QRICH1: variants seen among roughly 807,000 people sequenced by gnomAD.
QRICH1 encodes glutamine rich 1.
Under a neutral mutation model 87.1 loss-of-function variants are expected in QRICH1, and 16 were observed. The ratio of observed to expected loss-of-function variants is 0.18; its 90% CI spans 0.12 to 0.28. QRICH1 has a LOEUF of 0.28. QRICH1 is among the 10% of genes least tolerant of loss of function. QRICH1 has a pLI of 1.00. For missense variants in QRICH1, 647 were observed against 951.7 expected (o/e 0.68, Z 4.21); for synonymous variants, 367 against 368.4 (o/e 1.00, Z 0.05).
intron 3 of QRICH1, among the ~76,000 whole-genome samples, chr3:49,048,029 G>A (rs1371421861): frequency 6.6e-6 from 1 of 152,026 alleles, no homozygotes; most frequent in African/African-American, 2.4e-5. Flanking sequence ...TCAAAGCACT[G>A]CTCCCACAGT....
chr3:49,042,310 A>G (rs1366935289), intron 6 of QRICH1, among the ~76,000 whole-genome samples: 1 of 151,688 alleles, frequency 6.6e-6, no homozygotes, highest in Non-Finnish European at 1.5e-5. Flanking sequence ...CGTGTTAGCC[A>G]GGATGGTCTC....
intron 2 of QRICH1, among the ~76,000 whole-genome samples, chr3:49,069,211 C>T (rs995996039): frequency 6.7e-6 from 1 of 149,378 alleles, no homozygotes; most frequent in East Asian, 2.0e-4. Flanking sequence ...TCAAGCAATT[C>T]TCTGCCTCAG....
At chr3:49,078,728 C>A (rs1431055239) in intron 1 of QRICH1, among the ~76,000 whole-genome samples, 1 of 128,792 alleles carries the variant, frequency 7.8e-6, no homozygotes, top group Non-Finnish European at 1.6e-5. Context: ...GTTGGAGTCT[C>A]CCTCTGTCGC....
intron 2 of QRICH1, among the ~76,000 whole-genome samples, chr3:49,065,139 T>C (rs1214467155): frequency 7.0e-6 from 1 of 143,054 alleles, no homozygotes; most frequent in African/African-American, 2.5e-5. Context: ...TGGAAACCTC[T>C]TTTTTTTTTT....
intron 3 of QRICH1, among the ~76,000 whole-genome samples, chr3:49,053,380 C>T (rs2093382702): frequency 1.4e-5 from 2 of 146,940 alleles, no homozygotes; most frequent in Non-Finnish European, 3.0e-5. Context: ...CCCAGCTACT[C>T]GGGAGGCTGA....
At position 49,073,785 on chromosome 3, in the gene QRICH1, C is replaced by T. The variant is rs533694979; in HGVS notation, c.309+2924G>A. Among the ~76,000 whole-genome samples, 34 of 151,634 alleles carry T rather than the reference C, an allele frequency of 2.2e-4. 1 individual carries two copies. The South Asian group carries it at 6.7e-3, about 30-fold the overall frequency. On this transcript the variant is annotated intron_variant, in intron 2 of 9. Coordinates refer to ENST00000395443, the MANE Select transcript of QRICH1 (RefSeq NM_198880.3). ...TCTCGGCCTCCCTAGTAGCTAAGAC[C>T]ATAGGCGTGCATCACCACACCCAGC... is the stretch of plus-strand genomic sequence containing the variant.
intron 1 of QRICH1, among the ~76,000 whole-genome samples, chr3:49,088,607 G>C (rs890974303): frequency 2.0e-5 from 3 of 149,290 alleles, no homozygotes; most frequent in Non-Finnish European, 3.0e-5. Flanking sequence ...CACTGCACCA[G>C]GCTTTTGTCT....
intron 2 of QRICH1, among the ~76,000 whole-genome samples, chr3:49,076,426 T>A (rs1335314962): frequency 5.3e-5 from 8 of 151,474 alleles, no homozygotes; most frequent in Admixed American, 4.6e-4. Flanking sequence ...GCTAAACCAA[T>A]CATAGATGAC....
intron 2 of QRICH1, among the ~76,000 whole-genome samples, chr3:49,065,254 C>T (rs989248207): frequency 4.0e-5 from 6 of 151,708 alleles, no homozygotes; most frequent in African/African-American, 1.5e-4. Flanking sequence ...AAGCAATTCT[C>T]CTGCCTCAGC....
Position 49,057,683 on chromosome 3 carries a change from G to A in QRICH1, c.517C>T (p.His173Tyr). 1 of 1,614,226 alleles carries A rather than the reference G, an allele frequency of 6.2e-7. No homozygotes were observed. The highest frequency in any genetic ancestry group is 8.5e-7 in the Non-Finnish European group (1 of 1,180,048). Reference sequence around the variant, plus strand: ...TGGATCTGCTGGGCTGCTTGCACGTGCTGCACCTGGATCTGAGCTGCTTGC... The same window carrying A: ...TGGATCTGCTGGGCTGCTTGCACGTACTGCACCTGGATCTGAGCTGCTTGC... ...QLQAAQIQVQ[H>Y]VQAAQQIQAA... The change falls in exon 3 of 10, where the codon CAC becomes TAC. Residue 173 changes from histidine (H) to tyrosine (Y), a missense_variant. Around this residue, in one of 7 missense-constraint regions of QRICH1, gnomAD observed 156 missense variants for 164.5 expected, o/e 0.95. Coordinates refer to ENST00000395443, the MANE Select transcript of QRICH1 (RefSeq NM_198880.3). The surrounding 1 kb of genome is among the most constrained non-coding windows in gnomAD (Gnocchi z 5.4).
At chr3:49,039,004 A>T (rs2093293462) in intron 6 of QRICH1, among the ~76,000 whole-genome samples, 1 of 151,118 alleles carries the variant, frequency 6.6e-6, no homozygotes, top group Non-Finnish European at 1.5e-5. Flanking sequence ...TCCAGCCTGG[A>T]AGACAAAGTG....
At chr3:49,089,214 C>A (rs1358694695) in intron 1 of QRICH1, among the ~76,000 whole-genome samples, 3 of 151,984 alleles carry the variant, frequency 2.0e-5, no homozygotes, top group African/African-American at 7.3e-5. Flanking sequence ...CGCCCATCAC[C>A]ATGCCCTGCT....
intron 3 of QRICH1, chr3:49,056,605 G>A (rs1354069832): frequency 3.3e-6 from 2 of 608,354 alleles, no homozygotes; most frequent in African/African-American, 1.8e-5. Flanking sequence ...AAGTGTCCAT[G>A]GTACTTAAAC....
chr3:49,031,255 T>C (rs1185287994), intron 9 of QRICH1, among the ~76,000 whole-genome samples: 2 of 152,166 alleles, frequency 1.3e-5, no homozygotes, highest in East Asian at 1.9e-4. Flanking sequence ...CCCAAAGTGC[T>C]TGGATTACAG....
At chr3:49,094,224 C>CGA (rs1042055822), upstream of QRICH1, 8 of 384,184 alleles carry the variant, frequency 2.1e-5, no homozygotes, top group African/African-American at 1.2e-4. Context: ...GGGTATGGAG[C>CGA]GGCTCGCTCC....
intron 6 of QRICH1, among the ~76,000 whole-genome samples, chr3:49,040,459 A>G (rs942112344): frequency 2.6e-4 from 39 of 151,848 alleles, no homozygotes; most frequent in African/African-American, 9.2e-4. Context: ...AAAGGAGGGG[A>G]AAAAAAAAGA....
chr3:49,034,896 C>A (rs2093265403), intron 6 of QRICH1, among the ~76,000 whole-genome samples: 1 of 152,176 alleles, frequency 6.6e-6, no homozygotes, highest in Non-Finnish European at 1.5e-5. Flanking sequence ...ATTCTCCAAG[C>A]AAGCACAGTG....
chr3:49,057,052 A>G lies in QRICH1; in HGVS notation c.1148T>C (p.Leu383Pro). ...EEVVQTLANS[L>P]FPAQFMNGNI... The stretch of plus-strand genomic sequence containing the variant: ...GCCATTCATGAACTGTGCTGGAAAG[A>G]GAGAGTTTGCAAGGGTCTGCACTAC... The change falls in exon 3 of 10, where the codon CTC becomes CCC. Residue 383 changes from leucine to proline, a missense_variant. This residue lies in a region of QRICH1 where 115 missense variants were observed against 126.8 expected (regional missense o/e 0.91). Transcript: ENST00000395443. This position sits in a 1 kb window ranked among gnomAD's most constrained non-coding sequence, Gnocchi z 5.4. 1 of 1,614,192 alleles carries G rather than the reference A, an allele frequency of 6.2e-7. No homozygotes were observed. Among genetic ancestry groups the G allele is most frequent in the Non-Finnish European group, 8.5e-7 (1 of 1,180,032 alleles).
chr3:49,061,734 C>T (rs1420535132), intron 2 of QRICH1, among the ~76,000 whole-genome samples: 1 of 152,044 alleles, frequency 6.6e-6, no homozygotes, highest in Non-Finnish European at 1.5e-5. Context: ...TGCCTGTAAT[C>T]CCAGCTACTT....
Sources: allele counts gnomAD v4.1 joint callset (sites outside exome capture counted in the v4.1 genomes callset), GRCh38; gene constraint gnomAD v4.1.1; regional missense constraint gnomAD v4.1.1; non-coding constraint Gnocchi (gnomAD v3.1); transcripts MANE v1.5; gene names NCBI Gene and HGNC (gene_info 2026-07-23, HGNC 2026-07-21).